ATP2B2: variants seen among roughly 807,000 people sequenced by gnomAD.
ATP2B2 encodes the protein plasma membrane calcium-transporting ATPase 2.
A neutral mutation model predicts 120.0 loss-of-function variants in ATP2B2; 15 were observed. That is an observed-to-expected ratio of 0.12 (90% CI 0.08 to 0.19). The LOEUF (loss-of-function observed/expected upper bound fraction) is 0.19, where lower values mean the gene tolerates loss of function less well. Ranked by LOEUF, ATP2B2 falls within the 10% of genes least tolerant of loss-of-function variation. The probability of loss-of-function intolerance (pLI) is 1.00; values close to 1 mark genes in which losing one functional copy is unlikely to be tolerated. For missense variants in ATP2B2, 1,045 were observed against 1,719.8 expected (o/e 0.61, Z 6.94); for synonymous variants, 694 against 700.3 (o/e 0.99, Z 0.14).
Position 10,670,701 on chromosome 3 carries a change from G to A in ATP2B2, c.-460+37214C>T, listed in dbSNP as rs1403391725. On this transcript the variant is annotated intron_variant, in intron 1 of 21. Transcript: ENST00000646379. ...CTCCCAAAGTGCTGGGATTATAGGT[G>A]TGAGCCACGGGGCCCGGCCCTGATA... Among the ~76,000 whole-genome samples the A allele has an allele frequency of 1.1e-4, 17 of 152,196 alleles. 1 individual carries two copies. The highest frequency in any genetic ancestry group is 9.8e-4 in the Admixed American group (15 of 15,280).
chr3:10,605,788 A>G (rs547501370), intron 2 of ATP2B2, among the ~76,000 whole-genome samples: 6 of 152,142 alleles, frequency 3.9e-5, no homozygotes, highest in Admixed American at 2.6e-4. Context: ...AGCTGGGACT[A>G]CAGGCATGCA....
intron 2 of ATP2B2, among the ~76,000 whole-genome samples, chr3:10,536,134 C>T (rs1207528999): frequency 6.6e-6 from 1 of 152,112 alleles, no homozygotes; most frequent in Non-Finnish European, 1.5e-5. Context: ...AATGATGTTG[C>T]ACATCTTTTC....
chr3:10,608,569 G>T (rs570347400), intron 2 of ATP2B2, among the ~76,000 whole-genome samples: 3 of 152,186 alleles, frequency 2.0e-5, no homozygotes. Flanking sequence ...CAGACCTGCC[G>T]AGCCCGTCAC....
intron 2 of ATP2B2, among the ~76,000 whole-genome samples, chr3:10,540,929 T>C (rs1022828151): frequency 6.6e-5 from 10 of 151,896 alleles, no homozygotes; most frequent in African/African-American, 2.4e-4. Flanking sequence ...AAATTACAAA[T>C]TCAATTTCCT....
intron 2 of ATP2B2, among the ~76,000 whole-genome samples, chr3:10,603,578 G>A (rs913160611): frequency 3.9e-5 from 6 of 152,150 alleles, no homozygotes; most frequent in African/African-American, 1.2e-4. Context: ...TCTTGCAAGC[G>A]TTCATGATAA....
At chr3:10,362,135 GA>G (rs947802911) in intron 12 of ATP2B2, among the ~76,000 whole-genome samples, 1 of 152,208 alleles carries the variant, frequency 6.6e-6, no homozygotes, top group African/African-American at 2.4e-5. Context: ...TTCTGAAGAC[GA>G]AATAGCTATG....
At chr3:10,408,264 G>A (rs1327803519) in intron 3 of ATP2B2, among the ~76,000 whole-genome samples, 1 of 152,188 alleles carries the variant, frequency 6.6e-6, no homozygotes, top group Non-Finnish European at 1.5e-5. Flanking sequence ...CAGGGAGAAG[G>A]GAGCCAAGAA....
intron 1 of ATP2B2, among the ~76,000 whole-genome samples, chr3:10,627,947 G>A (rs1159858428): frequency 6.6e-6 from 1 of 152,206 alleles, no homozygotes; most frequent in Non-Finnish European, 1.5e-5. Context: ...TCCTGGGCCA[G>A]GGTCATCAGG....
intron 1 of ATP2B2, among the ~76,000 whole-genome samples, chr3:10,658,021 C>T (rs1463105320): frequency 6.6e-6 from 1 of 152,222 alleles, no homozygotes; most frequent in Non-Finnish European, 1.5e-5. Flanking sequence ...CTCCAACAGA[C>T]CTGCAGCTGA....
At chr3:10,554,661 A>G (rs1370079852) in intron 2 of ATP2B2, among the ~76,000 whole-genome samples, 3 of 152,210 alleles carry the variant, frequency 2.0e-5, no homozygotes, top group Admixed American at 2.0e-4. Context: ...CTGTCAGCTG[A>G]TCAATTTTAA....
At chr3:10,487,525 A>T (rs1245222873) in intron 1 of ATP2B2, among the ~76,000 whole-genome samples, 1 of 152,190 alleles carries the variant, frequency 6.6e-6, no homozygotes, top group Non-Finnish European at 1.5e-5. Context: ...TGGGCCACAA[A>T]GGCCTGTGAG....
At chr3:10,588,886 G>A (rs978847153) in intron 2 of ATP2B2, among the ~76,000 whole-genome samples, 2 of 152,222 alleles carry the variant, frequency 1.3e-5, no homozygotes, top group African/African-American at 4.8e-5. Context: ...TTATATTTAA[G>A]TCCATCTGGA....
intron 1 of ATP2B2, among the ~76,000 whole-genome samples, chr3:10,652,721 G>A (rs2070499033): frequency 6.6e-6 from 1 of 152,196 alleles, no homozygotes; most frequent in South Asian, 2.1e-4. Flanking sequence ...GTCCATCAGT[G>A]GATGAATGCA....
At chr3:10,547,558 G>A (rs2067577919) in intron 2 of ATP2B2, among the ~76,000 whole-genome samples, 1 of 152,180 alleles carries the variant, frequency 6.6e-6, no homozygotes, top group Admixed American at 6.5e-5. Context: ...ATTTCCCAAA[G>A]CACTCTTATG....
chr3:10,546,177 T>C (rs1406653567), intron 2 of ATP2B2, among the ~76,000 whole-genome samples: 1 of 152,224 alleles, frequency 6.6e-6, no homozygotes, highest in East Asian at 1.9e-4. Context: ...AGGCTCTCTG[T>C]GTGCCAGTCT....
chr3:10,586,570 C>G (rs1485184301), intron 2 of ATP2B2, among the ~76,000 whole-genome samples: 2 of 152,148 alleles, frequency 1.3e-5, no homozygotes, highest in South Asian at 4.1e-4. Context: ...GTCTGTCTCC[C>G]CAGGGGGAGA....
At chr3:10,683,748 A>ATGTGTGTGTGTGTGTG (rs372159079) in intron 1 of ATP2B2, among the ~76,000 whole-genome samples, 1 of 57,332 alleles carries the variant, frequency 1.7e-5, no homozygotes, top group African/African-American at 7.0e-5. Context: ...GTGTATATAT[A>ATGTGTGTGTGTGTGTG]TGTGTGTGTG....
intron 14 of ATP2B2, among the ~76,000 whole-genome samples, chr3:10,357,495 G>C (rs1427489055): frequency 6.6e-6 from 1 of 152,148 alleles, no homozygotes; most frequent in Non-Finnish European, 1.5e-5. Flanking sequence ...CAGGAACTTG[G>C]AGGTCATCTT....
intron 1 of ATP2B2, among the ~76,000 whole-genome samples, chr3:10,695,334 G>A (rs752012852): frequency 5.3e-5 from 8 of 151,762 alleles, no homozygotes; most frequent in Non-Finnish European, 1.2e-4. Context: ...GATCTTGTGA[G>A]CCTTATTCAC....
Sources: allele counts gnomAD v4.1 joint callset (sites outside exome capture counted in the v4.1 genomes callset), GRCh38; gene constraint gnomAD v4.1.1; transcripts MANE v1.5; gene names NCBI Gene and HGNC (gene_info 2026-07-23, HGNC 2026-07-21).